Variants in PAPPA2 observed in about 807,000 individuals in gnomAD.
PAPPA2 encodes the protein pappalysin-2.
Under a neutral mutation model 176.4 loss-of-function variants are expected in PAPPA2, and 86 were observed. The observed-to-expected ratio is 0.49, with a 90% CI of 0.41 to 0.58. PAPPA2 has a LOEUF of 0.58. PAPPA2 is among the 20% of genes least tolerant of loss of function. PAPPA2 has a pLI of 0.00. For missense variants in PAPPA2, 2,073 were observed against 2,256.9 expected (o/e 0.92, Z 1.65); for synonymous variants, 809 against 852.2 (o/e 0.95, Z 0.88).
At chr1:176,710,572 AATAG>A (rs1449271395) in intron 11 of PAPPA2, among the ~76,000 whole-genome samples, 1 of 152,202 alleles carries the variant, frequency 6.6e-6, no homozygotes, top group Non-Finnish European at 1.5e-5. Context: ...TATCCACCTA[AATAG>A]ATAGAAGATC....
intron 6 of PAPPA2, among the ~76,000 whole-genome samples, chr1:176,694,439 A>G (rs1660264888): frequency 6.6e-6 from 1 of 152,268 alleles, no homozygotes; most frequent in African/African-American, 2.4e-5. Context: ...ATTAGAAATC[A>G]TTTATGAAAA....
intron 1 of PAPPA2, among the ~76,000 whole-genome samples, chr1:176,511,268 A>T (rs1283623214): frequency 1.3e-5 from 2 of 152,196 alleles, no homozygotes; most frequent in Non-Finnish European, 2.9e-5. Context: ...AGAACAAGGT[A>T]TATTGCCAGG....
chr1:176,645,984 T>C (rs1047251814), intron 3 of PAPPA2, among the ~76,000 whole-genome samples: 14 of 151,688 alleles, frequency 9.2e-5, no homozygotes, highest in Non-Finnish European at 1.9e-4. Context: ...TATATTTTGT[T>C]TCTCAATCAT....
chr1:176,578,292 G>A lies in PAPPA2; in HGVS notation c.920-16232G>A, dbSNP rs886154317. Among the ~76,000 whole-genome samples, 7 of 152,294 alleles carry A rather than the reference G, an allele frequency of 4.6e-5. No individual in the cohort carries two copies. In the East Asian group the frequency reaches 9.7e-4, roughly 21 times the overall value. On this transcript the variant is annotated intron_variant, in intron 2 of 22. Coordinates refer to ENST00000367662, the MANE Select transcript of PAPPA2 (RefSeq NM_020318.3). ...AGAAGAAAGCATCTTAGTATGTGAT[G>A]GCTGTGAAAAAGCTCATCTAACGTT...
In PAPPA2 at chr1:176,641,508, G is replaced by A. The variant is rs574138212; in HGVS notation, c.1992-29462G>A. Among the ~76,000 whole-genome samples, 9 of 151,228 alleles carry A rather than the reference G, an allele frequency of 6.0e-5. No homozygotes were observed. The South Asian group carries it at 1.3e-3, about 21-fold the overall frequency. ...AAAGATCAGATAGTTGTAGATATGC[G>A]GCGTTATTTCTGAGGGCTCTGTTCT... On this transcript the variant is annotated intron_variant, in intron 3 of 22. Transcript: ENST00000367662.
At chr1:176,510,309 C>A (rs1648518554) in intron 1 of PAPPA2, among the ~76,000 whole-genome samples, 1 of 152,114 alleles carries the variant, frequency 6.6e-6, no homozygotes, top group Admixed American at 6.6e-5. Flanking sequence ...TCACCTGAGC[C>A]TATTTAAACC....
rs541004024 is a variant in PAPPA2, at chr1:176,674,742, T to G, written c.2137+3627T>G. ...TAAACATGTGTGCAAGTGTTTTTTT[T>G]TTTTTTTCTTTTCTCCATATAGTGA... On this transcript the variant is annotated intron_variant, in intron 4 of 22. Coordinates refer to ENST00000367662, the MANE Select transcript of PAPPA2 (RefSeq NM_020318.3). 2.6e-5 allele frequency among the ~76,000 whole-genome samples: 4 copies of G among 151,916 alleles called. No individual in the cohort carries two copies. In the South Asian group the frequency reaches 8.3e-4, roughly 32 times the overall value.
intron 21 of PAPPA2, among the ~76,000 whole-genome samples, chr1:176,811,443 T>TTAA (rs1297152035): frequency 6.6e-6 from 1 of 152,184 alleles, no homozygotes; most frequent in African/African-American, 2.4e-5. Context: ...GATTTTTCTT[T>TTAA]TAATTCTTGC....
At chr1:176,825,806 A>C (rs188501159) in intron 21 of PAPPA2, among the ~76,000 whole-genome samples, 11 of 152,340 alleles carry the variant, frequency 7.2e-5, no homozygotes, top group African/African-American at 2.6e-4. Flanking sequence ...CACCGTTAAG[A>C]AAGAGGAAAA....
At chr1:176,683,182 T>C (rs572044354) in intron 4 of PAPPA2, among the ~76,000 whole-genome samples, 5 of 152,274 alleles carry the variant, frequency 3.3e-5, no homozygotes, top group Non-Finnish European at 7.4e-5. Flanking sequence ...GGCTGTTTAC[T>C]ACTAAGATTT....
At chr1:176,487,264 T>C (rs1206590706) in intron 1 of PAPPA2, among the ~76,000 whole-genome samples, 3 of 152,174 alleles carry the variant, frequency 2.0e-5, no homozygotes, top group Non-Finnish European at 4.4e-5. Flanking sequence ...AGAGACATCA[T>C]TCCATGTGCA....
intron 10 of PAPPA2, among the ~76,000 whole-genome samples, chr1:176,707,385 AG>A (rs1353864546): frequency 3.3e-5 from 5 of 152,064 alleles, no homozygotes; most frequent in South Asian, 2.1e-4. Flanking sequence ...CATTTGAAAA[AG>A]GCCCATCGTG....
intron 4 of PAPPA2, among the ~76,000 whole-genome samples, chr1:176,672,159 A>G (rs942375343): frequency 2.6e-5 from 4 of 152,082 alleles, no homozygotes; most frequent in African/African-American, 9.6e-5. Context: ...CCAAGCAAGA[A>G]GAGGGATTAC....
At chr1:176,644,938 G>A (rs1657313312) in intron 3 of PAPPA2, among the ~76,000 whole-genome samples, 1 of 151,742 alleles carries the variant, frequency 6.6e-6, no homozygotes, top group Non-Finnish European at 1.5e-5. Context: ...AAGTACTTCT[G>A]ATTTTATTTA....
At chr1:176,554,372 T>A (rs1191799575) in intron 1 of PAPPA2, among the ~76,000 whole-genome samples, 1 of 152,198 alleles carries the variant, frequency 6.6e-6, no homozygotes, top group Non-Finnish European at 1.5e-5. Flanking sequence ...TCTCTACTGT[T>A]TTGTACCACC....
chr1:176,493,222 A>G (rs1473977520), intron 1 of PAPPA2, among the ~76,000 whole-genome samples: 1 of 152,218 alleles, frequency 6.6e-6, no homozygotes, highest in African/African-American at 2.4e-5. Context: ...GAGTGAGGGC[A>G]GTGATCTCTT....
chr1:176,516,118 G>C (rs1648893698), intron 1 of PAPPA2, among the ~76,000 whole-genome samples: 1 of 152,076 alleles, frequency 6.6e-6, no homozygotes, highest in Non-Finnish European at 1.5e-5. Context: ...ATTGGGAAGA[G>C]CAACTGTGTA....
intron 2 of PAPPA2, among the ~76,000 whole-genome samples, chr1:176,562,267 A>G (rs1284472808): frequency 2.6e-5 from 4 of 152,156 alleles, no homozygotes; most frequent in African/African-American, 9.7e-5. Context: ...CAGAATGCTG[A>G]AACATCCCCT....
intron 1 of PAPPA2, among the ~76,000 whole-genome samples, chr1:176,474,183 A>G (rs1652009902): frequency 6.6e-6 from 1 of 152,246 alleles, no homozygotes; most frequent in Non-Finnish European, 1.5e-5. Context: ...ACAAGTGTCA[A>G]TTCCCAGTGA....
Sources: allele counts gnomAD v4.1 joint callset (sites outside exome capture counted in the v4.1 genomes callset), GRCh38; gene constraint gnomAD v4.1.1; transcripts MANE v1.5; gene names NCBI Gene and HGNC (gene_info 2026-07-23, HGNC 2026-07-21).